The following PRKG1 variants were observed in gnomAD, a reference collection of about 807,000 sequenced individuals.
PRKG1 encodes the protein protein kinase cGMP-dependent 1.
A neutral mutation model predicts 88.1 loss-of-function variants in PRKG1; 35 were observed. That is an observed-to-expected ratio of 0.40 (90% CI 0.30 to 0.53). PRKG1 has a LOEUF of 0.53. PRKG1 is among the 20% of genes least tolerant of loss of function. The pLI is 0.59. For missense variants in PRKG1, 540 were observed against 839.8 expected, an observed-to-expected ratio of 0.64 and a Z score of 4.41; for synonymous variants, 303 against 292.5, an observed-to-expected ratio of 1.04 and a Z score of -0.37.
At chr10:51,294,193 C>T (rs749676045) in intron 2 of PRKG1, among the ~76,000 whole-genome samples, 14 of 151,874 alleles carry the variant, frequency 9.2e-5, no homozygotes, top group Non-Finnish European at 1.5e-4. Flanking sequence ...TGATTGTTGT[C>T]GTTGCTCTTC....
At chr10:51,096,242 G>A (rs1287956505) in intron 1 of PRKG1, among the ~76,000 whole-genome samples, 1 of 152,142 alleles carries the variant, frequency 6.6e-6, no homozygotes, top group Non-Finnish European at 1.5e-5. Context: ...AGGACTCTGT[G>A]TAATGAGCTC....
intron 7 of PRKG1, among the ~76,000 whole-genome samples, chr10:52,077,013 C>G (rs535983504): frequency 6.7e-6 from 1 of 149,994 alleles, no homozygotes; most frequent in South Asian, 2.1e-4. Context: ...TTTTTTAAAA[C>G]TTAAACATAT....
At chr10:51,572,485 A>G (rs12264974) in intron 3 of PRKG1, among the ~76,000 whole-genome samples, 21,650 of 151,856 alleles carry the variant, frequency 0.14, 1,667 homozygotes, top group African/African-American at 0.2. Flanking sequence ...ATGCTGAAAG[A>G]TGCCTTAGAC....
intron 3 of PRKG1, among the ~76,000 whole-genome samples, chr10:51,802,826 C>T (rs955626306): frequency 2.6e-5 from 4 of 152,134 alleles, no homozygotes; most frequent in Admixed American, 2.6e-4. Flanking sequence ...GAGGTGCGAA[C>T]TCAGACTTAA....
At chr10:51,477,443 C>T (rs918536545) in intron 3 of PRKG1, among the ~76,000 whole-genome samples, 4 of 151,488 alleles carry the variant, frequency 2.6e-5, no homozygotes, top group Admixed American at 6.6e-5. Flanking sequence ...AGAATAGTTC[C>T]GAGCATTTGT....
At chr10:51,847,815 A>G (rs1422079291) in intron 4 of PRKG1, among the ~76,000 whole-genome samples, 1 of 127,154 alleles carries the variant, frequency 7.9e-6, no homozygotes, top group Non-Finnish European at 1.6e-5. Context: ...CAGCCTGGGC[A>G]ACATAGAGAG....
At chr10:51,642,515 A>G (rs150187443) in intron 3 of PRKG1, among the ~76,000 whole-genome samples, 605 of 152,338 alleles carry the variant, frequency 4.0e-3, no homozygotes, top group African/African-American at 0.014. Context: ...GGGCAAGGAC[A>G]TAAGAATTAG....
chr10:51,859,555 C>A (rs1840814806), intron 4 of PRKG1, among the ~76,000 whole-genome samples: 1 of 152,048 alleles, frequency 6.6e-6, no homozygotes, highest in African/African-American at 2.4e-5. Flanking sequence ...AAAAGAAACT[C>A]TGACACATGA....
intron 1 of PRKG1, among the ~76,000 whole-genome samples, chr10:51,014,146 T>G (rs189822793): frequency 6.5e-4 from 99 of 152,338 alleles, no homozygotes; most frequent in Non-Finnish European, 1.1e-3. Flanking sequence ...ATTTCTCTAT[T>G]GCTGTATCTG....
At chr10:51,171,527 A>G (rs1846706230) in intron 2 of PRKG1, among the ~76,000 whole-genome samples, 2 of 152,048 alleles carry the variant, frequency 1.3e-5, no homozygotes, top group African/African-American at 4.8e-5. Flanking sequence ...TACCTTGTTG[A>G]TATTTATCCT....
Position 51,218,490 on chromosome 10 carries a change from C to CACAT in PRKG1, c.478+65161_478+65162insCATA, listed in dbSNP as rs1491238870. 1.7e-4 allele frequency among the ~76,000 whole-genome samples: 7 copies of CACAT among 40,776 alleles called. No individual in the cohort carries two copies. In the East Asian group the frequency reaches 4.1e-3, roughly 24 times the overall value. 26.8% of individuals were successfully genotyped at this position (40,776 alleles called of 152,430 possible). ...ACTTTCATTATAGTTCATCTATCTT[C>CACAT]ATATATATATATATATATATATATA... On this transcript the variant is annotated intron_variant, in intron 2 of 17. Coordinates refer to ENST00000373980, the MANE Select transcript of PRKG1 (RefSeq NM_006258.4).
At chr10:51,281,925 C>A (rs1240491187) in intron 2 of PRKG1, among the ~76,000 whole-genome samples, 1 of 152,210 alleles carries the variant, frequency 6.6e-6, no homozygotes, top group East Asian at 1.9e-4. Flanking sequence ...CTGAGCCCAT[C>A]TCAGACTAAT....
In PRKG1 at chr10:51,090,110, G is replaced by A. The variant is rs376325425; in HGVS notation, c.311+15209G>A. ...TCTTCCATGTTCTCACTATAAATGA[G>A]GATTATAACATTTCCCTGATTGGAG... On this transcript the variant is annotated intron_variant, in intron 1 of 17. Transcript: ENST00000373980. Among the ~76,000 whole-genome samples the A allele has an allele frequency of 7.9e-5, 12 of 152,184 alleles. No homozygotes were observed. The South Asian group carries it at 1.0e-3, about 13-fold the overall frequency.
intron 7 of PRKG1, among the ~76,000 whole-genome samples, chr10:52,123,390 G>C (rs905141004): frequency 6.6e-6 from 1 of 152,098 alleles, no homozygotes; most frequent in Non-Finnish European, 1.5e-5. Flanking sequence ...TCTGCCTAGA[G>C]AATCAGTCTC....
At chr10:51,948,228 C>T (rs950636130) in intron 5 of PRKG1, among the ~76,000 whole-genome samples, 1 of 152,034 alleles carries the variant, frequency 6.6e-6, no homozygotes, top group East Asian at 1.9e-4. Flanking sequence ...ATTTTATTGC[C>T]ATACATAGAA....
At chr10:51,675,129 G>A (rs1031397218) in intron 3 of PRKG1, among the ~76,000 whole-genome samples, 3 of 152,104 alleles carry the variant, frequency 2.0e-5, no homozygotes, top group South Asian at 2.1e-4. Flanking sequence ...CTTTATAGCT[G>A]TAATCCTTCA....
At chr10:51,947,905 A>T (rs1019239978) in intron 5 of PRKG1, among the ~76,000 whole-genome samples, 2 of 152,018 alleles carry the variant, frequency 1.3e-5, no homozygotes, top group African/African-American at 4.8e-5. Flanking sequence ...GTGAAGGAAA[A>T]CTCAGCAGAC....
At chr10:52,138,095 G>A (rs1837476205) in intron 8 of PRKG1, among the ~76,000 whole-genome samples, 1 of 151,918 alleles carries the variant, frequency 6.6e-6, no homozygotes, top group Non-Finnish European at 1.5e-5. Context: ...CAGCCATACT[G>A]GTTATGAAAA....
chr10:51,309,669 A>G (rs551151118), intron 2 of PRKG1, among the ~76,000 whole-genome samples: 12 of 151,952 alleles, frequency 7.9e-5, no homozygotes, highest in African/African-American at 2.4e-4. Flanking sequence ...AACAACCTCT[A>G]TGGAAAACAG....
Sources: allele counts gnomAD v4.1 joint callset (sites outside exome capture counted in the v4.1 genomes callset), GRCh38; gene constraint gnomAD v4.1.1; transcripts MANE v1.5; gene names NCBI Gene and HGNC (gene_info 2026-07-23, HGNC 2026-07-21).